WDR19: variants seen among roughly 807,000 people sequenced by gnomAD.
WDR19 encodes the protein WD repeat domain 19.
In WDR19, 121 loss-of-function variants were observed where a neutral mutation model predicts 180.0. That is an observed-to-expected ratio of 0.67 (90% CI 0.58 to 0.78). WDR19 has a LOEUF of 0.78. WDR19 is among the 30% of genes least tolerant of loss of function. The pLI, the probability that WDR19 is intolerant of heterozygous loss-of-function variation, is 0.00. For synonymous variants in WDR19, 497 were observed against 540.7 expected (o/e 0.92, Z 1.12); for missense variants, 1,450 against 1,640.7 (o/e 0.88, Z 2.01).
At chr4:39,217,542 A>G (rs1729189161) in intron 13 of WDR19, among the ~76,000 whole-genome samples, 1 of 152,130 alleles carries the variant, frequency 6.6e-6, no homozygotes, top group East Asian at 1.9e-4. Flanking sequence ...CTATACATGA[A>G]CTATAAAAAC....
chr4:39,240,067 C>T (rs1022252337), intron 20 of WDR19, among the ~76,000 whole-genome samples: 1 of 150,978 alleles, frequency 6.6e-6, no homozygotes, highest in African/African-American at 2.4e-5. Context: ...GTCTCAACTA[C>T]TCAGGAGGCT....
chr4:39,266,392 C>CA (rs1175379006), intron 29 of WDR19, among the ~76,000 whole-genome samples: 4 of 151,732 alleles, frequency 2.6e-5, no homozygotes, highest in South Asian at 2.1e-4. Flanking sequence ...AAAAAAATCG[C>CA]AAAAAAAACT....
intron 19 of WDR19, among the ~76,000 whole-genome samples, chr4:39,234,017 C>A (rs1446871034): frequency 1.3e-5 from 2 of 152,116 alleles, no homozygotes; most frequent in Non-Finnish European, 2.9e-5. Context: ...AGCTGTGTAA[C>A]CTTATATACA....
At chr4:39,284,764 A>AAAC (rs1212033963) in intron 36 of WDR19, among the ~76,000 whole-genome samples, 3 of 152,290 alleles carry the variant, frequency 2.0e-5, no homozygotes, top group South Asian at 4.1e-4. Flanking sequence ...GAATCTCTCC[A>AAAC]AACACTATCA....
intron 19 of WDR19, among the ~76,000 whole-genome samples, chr4:39,232,776 C>G (rs537120639): frequency 2.0e-5 from 3 of 151,968 alleles, no homozygotes; most frequent in Non-Finnish European, 4.4e-5. Flanking sequence ...AATTTCTCAG[C>G]ACAGACACTA....
In WDR19 at chr4:39,186,297, T is replaced by C. The variant is rs1725532429; in HGVS notation, c.99-242T>C. 2.0e-5 allele frequency among the ~76,000 whole-genome samples: 3 copies of C among 151,804 alleles called. No individual in the cohort carries two copies. The South Asian group carries it at 6.2e-4, about 31-fold the overall frequency. On this transcript the variant is annotated intron_variant, in intron 2 of 36. Transcript: ENST00000399820. ...GAGTTTGAGACCAGCCTGGCCAACA[T>C]GGTGAAACGCCATCTCTACAAAAAT...
Position 39,276,635 on chromosome 4 carries a change from T to C in WDR19, c.3717-385T>C, listed in dbSNP as rs534856350. Among the ~76,000 whole-genome samples the C allele has an allele frequency of 1.6e-4, 24 of 152,328 alleles. No individual in the cohort carries two copies. The East Asian group carries it at 3.9e-3, about 24-fold the overall frequency. The stretch of plus-strand genomic sequence containing the variant: ...TTTCCATTGTCACAGACAGTTCTAT[T>C]GGACGGTGCTGGTATAACTTGTACC... On this transcript the variant is annotated intron_variant, in intron 33 of 36. Transcript: ENST00000399820.
At chr4:39,278,420 C>T in intron 35 of WDR19, 119 bp from the exon 36 acceptor site, 1 of 821,110 alleles carries the variant, frequency 1.2e-6, no homozygotes, top group Non-Finnish European at 1.9e-6. Flanking sequence ...TCTCAAATTG[C>T]ATGGTGGACA....
At position 39,199,651 on chromosome 4, in the gene WDR19, G is replaced by A. The variant is rs546556148; in HGVS notation, c.522+58G>A. ...TTCAAGCTTTCCCCCCAAATAAATA[G>A]TTTGTCTGTCAAACTAATCTATACA... On this transcript the variant is annotated intron_variant, in intron 6 of 36. Transcript: ENST00000399820. 7.2e-6 allele frequency: 10 copies of A among 1,391,140 alleles called. No individual in the cohort carries two copies. The South Asian group carries it at 1.2e-4, about 17-fold the overall frequency. The allele number at this position is 1,391,140 out of a possible 1,614,324, so 86.2% of individuals were successfully genotyped here.
chr4:39,246,115 A>G (rs1249058746), intron 24 of WDR19, among the ~76,000 whole-genome samples: 1 of 152,256 alleles, frequency 6.6e-6, no homozygotes, highest in African/African-American at 2.4e-5. Flanking sequence ...CCTCACTAAT[A>G]GTAATTAAAT....
At chr4:39,204,128 C>G (rs1206243473) in intron 7 of WDR19, among the ~76,000 whole-genome samples, 2 of 151,372 alleles carry the variant, frequency 1.3e-5, no homozygotes, top group African/African-American at 4.9e-5. Context: ...TCTTTTTATC[C>G]AGGCTGGAGT....
At chr4:39,251,929 T>C (rs202002398) in intron 24 of WDR19, among the ~76,000 whole-genome samples, 53 of 152,128 alleles carry the variant, frequency 3.5e-4, no homozygotes, top group Admixed American at 1.5e-3. Context: ...ACTAGTTCAA[T>C]CATTGTGGAA....
chr4:39,254,444 T>C (rs1489857873), intron 26 of WDR19, among the ~76,000 whole-genome samples: 2 of 152,200 alleles, frequency 1.3e-5, no homozygotes, highest in African/African-American at 4.8e-5. Context: ...TGAACAGTGA[T>C]ATACACAAGA....
At chr4:39,184,196 C>CA (rs1191083427) in intron 1 of WDR19, among the ~76,000 whole-genome samples, 3 of 152,032 alleles carry the variant, frequency 2.0e-5, no homozygotes, top group African/African-American at 7.2e-5. Context: ...CACTTGAGGT[C>CA]AGGAGTTCGA....
Position 39,189,790 on chromosome 4 carries a change from A to G in WDR19, c.290+9A>G. On this transcript the variant is annotated intron_variant, in intron 4 of 36. Coordinates refer to ENST00000399820, the MANE Select transcript of WDR19 (RefSeq NM_025132.4). ...TTAGACAATGGCATGAGGTAAGATA[A>G]CTTTTTAATTTTTTAAAGCTTCACT... 1 of 1,587,568 alleles carries G rather than the reference A, an allele frequency of 6.3e-7. No individual in the cohort carries two copies. Among genetic ancestry groups the G allele is most frequent in the Non-Finnish European group, 8.5e-7 (1 of 1,171,844 alleles).
chr4:39,262,586 C>T (rs974918704), intron 28 of WDR19, among the ~76,000 whole-genome samples: 10 of 152,080 alleles, frequency 6.6e-5, no homozygotes, highest in Admixed American at 1.3e-4. Flanking sequence ...CCGCTTCCTT[C>T]GTTCCTTCAC....
chr4:39,246,959 C>T (rs558792464), intron 24 of WDR19, among the ~76,000 whole-genome samples: 1 of 152,382 alleles, frequency 6.6e-6, no homozygotes, highest in South Asian at 2.1e-4. Flanking sequence ...ACAGCAATAA[C>T]CTCTGCAGAC....
chr4:39,203,789 T>C (rs1727617820), intron 7 of WDR19, 67 bp downstream of exon 7: 1 of 1,394,382 alleles, frequency 7.2e-7, no homozygotes, highest in South Asian at 1.2e-5. Context: ...TAATTTACTT[T>C]TCTTGGATGA....
intron 1 of WDR19, among the ~76,000 whole-genome samples, chr4:39,183,323 C>T (rs1414676588): frequency 1.4e-5 from 2 of 142,788 alleles, no homozygotes; most frequent in East Asian, 2.1e-4. Context: ...AATCTCTGCT[C>T]CCTGCAACCT....
Sources: gnomAD v4.1 joint callset for allele counts (sites outside exome capture counted in the v4.1 genomes callset) on GRCh38, gnomAD v4.1.1 for gene constraint, MANE v1.5 for transcripts, NCBI Gene and HGNC (gene_info 2026-07-23, HGNC 2026-07-21) for gene names.